The following KIAA1217 variants were observed in gnomAD, a reference collection of about 807,000 sequenced individuals.
The protein encoded by KIAA1217 is sickle tail protein homolog.
In KIAA1217, 88 loss-of-function variants were observed where a neutral mutation model predicts 163.9. That is an observed-to-expected ratio of 0.54 (90% CI 0.45 to 0.64). The LOEUF is 0.64. Ranked by LOEUF, KIAA1217 falls within the 30% of genes least tolerant of loss-of-function variation. The probability of loss-of-function intolerance (pLI) is 0.00; values close to 1 mark genes in which losing one functional copy is unlikely to be tolerated. For missense variants in KIAA1217, 2,372 were observed against 2,475.0 expected, an observed-to-expected ratio of 0.96 and a Z score of 0.88; for synonymous variants, 903 against 923.1, an observed-to-expected ratio of 0.98 and a Z score of 0.39.
intron 20 of KIAA1217, 124 bp from the exon 21 acceptor site, chr10:24,545,703 T>C (rs1421898640): frequency 2.7e-6 from 4 of 1,490,416 alleles, no homozygotes; most frequent in African/African-American, 1.4e-5. Context: ...GCTCAGGCCT[T>C]GAACTGTGTT....
chr10:24,296,200 C>T (rs1309676358), intron 2 of KIAA1217, among the ~76,000 whole-genome samples: 1 of 152,088 alleles, frequency 6.6e-6, no homozygotes, highest in South Asian at 2.1e-4. Flanking sequence ...ACCTCCTGGG[C>T]TCAAGCGATC....
At chr10:24,138,860 G>A (rs1001069188) in intron 2 of KIAA1217, among the ~76,000 whole-genome samples, 44 of 152,096 alleles carry the variant, frequency 2.9e-4, no homozygotes, top group Non-Finnish European at 3.8e-4. Flanking sequence ...CTTCAGTGTC[G>A]TGAGATTTTA....
At chr10:24,008,754 C>G (rs575328381) in intron 2 of KIAA1217, among the ~76,000 whole-genome samples, 2 of 152,280 alleles carry the variant, frequency 1.3e-5, no homozygotes, top group East Asian at 3.9e-4. Context: ...CTACCTTTCT[C>G]ACCCCAGGGA....
In KIAA1217 at chr10:23,720,740, A is replaced by G. The variant is rs1363288067; in HGVS notation, c.-321+25506A>G. 3.9e-5 allele frequency among the ~76,000 whole-genome samples: 6 copies of G among 152,222 alleles called. No individual in the cohort carries two copies. The East Asian group carries it at 7.7e-4, about 20-fold the overall frequency. On this transcript the variant is annotated intron_variant, in intron 1 of 18. Transcript: ENST00000376462. ...AAAAAGATATTGGAATCCCCATATC[A>G]TGGAACTACTGTAAGAATAGTCTGT...
At chr10:23,942,198 A>G (rs532796755) in intron 1 of KIAA1217, among the ~76,000 whole-genome samples, 1 of 152,340 alleles carries the variant, frequency 6.6e-6, no homozygotes, top group African/African-American at 2.4e-5. Flanking sequence ...AAGAATGAAG[A>G]TAAAAAACTG....
At chr10:23,818,142 T>A (rs1837433124) in intron 1 of KIAA1217, among the ~76,000 whole-genome samples, 1 of 141,918 alleles carries the variant, frequency 7.0e-6, no homozygotes, top group Non-Finnish European at 1.5e-5. Flanking sequence ...CACATAAAGT[T>A]TCAAACCATG....
intron 1 of KIAA1217, among the ~76,000 whole-genome samples, chr10:23,882,524 G>C (rs1224222607): frequency 6.6e-6 from 1 of 151,840 alleles, no homozygotes; most frequent in Non-Finnish European, 1.5e-5. Context: ...GTTTTATGTT[G>C]TTTGAAATAG....
At chr10:24,483,919 G>T (rs2065017036) in intron 6 of KIAA1217, among the ~76,000 whole-genome samples, 2 of 151,986 alleles carry the variant, frequency 1.3e-5, no homozygotes. Flanking sequence ...GAGCCAACAG[G>T]AAGTGAAGTG....
chr10:24,270,905 A>G (rs541362816), intron 2 of KIAA1217, among the ~76,000 whole-genome samples: 29 of 152,260 alleles, frequency 1.9e-4, no homozygotes, highest in African/African-American at 6.5e-4. Flanking sequence ...CCCCACCTAT[A>G]TCATACAGCA....
chr10:24,118,371 G>C (rs2063145771), intron 2 of KIAA1217, among the ~76,000 whole-genome samples: 1 of 152,094 alleles, frequency 6.6e-6, no homozygotes, highest in Non-Finnish European at 1.5e-5. Flanking sequence ...AGCATATATG[G>C]GCTCATTGCT....
At position 24,039,806 on chromosome 10, in the gene KIAA1217, AG is replaced by A. The variant is rs1564628101; in HGVS notation, c.-171+32433del. Among the ~76,000 whole-genome samples the A allele has an allele frequency of 7.3e-5, 4 of 54,634 alleles. No homozygotes were observed. The East Asian group carries it at 9.3e-4, about 13-fold the overall frequency. 35.8% of individuals were successfully genotyped at this position (54,634 alleles called of 152,430 possible). On this transcript the variant is annotated intron_variant, in intron 2 of 18. Coordinates refer to the KIAA1217 transcript ENST00000376462. Reference sequence around the variant, plus strand: ...GCATGATATAGATATAGATAGATATAGATATAGATATAGATATAGATATAGA... The same window carrying A: ...GCATGATATAGATATAGATAGATATAATATAGATATAGATATAGATATAGA...
At chr10:23,797,263 T>C (rs1451407281) in intron 1 of KIAA1217, among the ~76,000 whole-genome samples, 1 of 152,166 alleles carries the variant, frequency 6.6e-6, no homozygotes, top group Non-Finnish European at 1.5e-5. Flanking sequence ...GATGTGCTTA[T>C]TGAACACTCA....
chr10:24,252,162 A>C (rs149432624), intron 2 of KIAA1217, among the ~76,000 whole-genome samples: 114 of 152,348 alleles, frequency 7.5e-4, no homozygotes, highest in African/African-American at 2.7e-3. Flanking sequence ...CTTCAAGATT[A>C]CTTAGTTAAA....
chr10:24,528,303 CTTTTTGTTTTTTT>C (rs1432419543), intron 14 of KIAA1217, among the ~76,000 whole-genome samples, 184 bp downstream of exon 14: 25 of 144,204 alleles, frequency 1.7e-4, no homozygotes, highest in African/African-American at 3.8e-4. Context: ...CTATCTCTCT[CTTTTTGTTTTTTT>C]TTTTTGTTTT....
chr10:24,372,390 G>A (rs975412185), intron 2 of KIAA1217, among the ~76,000 whole-genome samples: 1 of 152,192 alleles, frequency 6.6e-6, no homozygotes, highest in Non-Finnish European at 1.5e-5. Context: ...GTGCGTTTCA[G>A]TTCTTTGATA....
intron 1 of KIAA1217, among the ~76,000 whole-genome samples, chr10:23,956,301 G>A (rs984149567): frequency 3.9e-5 from 6 of 152,082 alleles, no homozygotes; most frequent in African/African-American, 1.4e-4. Flanking sequence ...AAAATAAACA[G>A]TACACACACA....
At chr10:23,890,933 G>A (rs1414287056) in intron 1 of KIAA1217, among the ~76,000 whole-genome samples, 2 of 151,884 alleles carry the variant, frequency 1.3e-5, no homozygotes, top group South Asian at 2.1e-4. Flanking sequence ...TAGTGCATAT[G>A]CATTTAGAAT....
intron 14 of KIAA1217, among the ~76,000 whole-genome samples, chr10:24,529,806 T>TC (rs969141506): frequency 3.3e-5 from 5 of 151,006 alleles, no homozygotes; most frequent in African/African-American, 1.2e-4. Context: ...ACATTTTTTT[T>TC]TTTTTTTTTG....
At chr10:23,762,324 A>G (rs1320385575) in intron 1 of KIAA1217, among the ~76,000 whole-genome samples, 1 of 151,238 alleles carries the variant, frequency 6.6e-6, no homozygotes, top group East Asian at 1.9e-4. Flanking sequence ...AAAAAAAAAA[A>G]AGAAAACAGG....
Sources: gnomAD v4.1 joint callset for allele counts (sites outside exome capture counted in the v4.1 genomes callset) on GRCh38, gnomAD v4.1.1 for gene constraint, MANE v1.5 for transcripts, NCBI Gene and HGNC (gene_info 2026-07-23, HGNC 2026-07-21) for gene names.